Variants in TNFRSF8 observed in about 807,000 individuals in gnomAD.
The protein encoded by TNFRSF8 is TNF receptor superfamily member 8.
TNFRSF8 carries 26 observed loss-of-function variants against 70.8 expected under a neutral mutation model. The ratio of observed to expected loss-of-function variants is 0.37; its 90% CI spans 0.27 to 0.51. The LOEUF is 0.51. Ranked by LOEUF, TNFRSF8 falls within the 20% of genes least tolerant of loss-of-function variation. The probability of loss-of-function intolerance (pLI) is 0.94; values close to 1 mark genes in which losing one functional copy is unlikely to be tolerated. For missense variants in TNFRSF8, 720 were observed against 807.9 expected, an observed-to-expected ratio of 0.89 and a Z score of 1.32; for synonymous variants, 356 against 339.2, an observed-to-expected ratio of 1.05 and a Z score of -0.54.
At position 12,072,400 on chromosome 1, in the gene TNFRSF8, G is replaced by A. The variant is rs138291609; in HGVS notation, c.63+8739G>A. ...GCGTAGGGGACTGTCTGGGGCCTGC[G>A]GGAGTCCAGAGGAGCCCATCTTTAC... On this transcript the variant is annotated intron_variant, in intron 1 of 14. Coordinates refer to ENST00000263932, the MANE Select transcript of TNFRSF8 (RefSeq NM_001243.5). Among the ~76,000 whole-genome samples the A allele has an allele frequency of 2.8e-3, 432 of 152,108 alleles. 1 individual carries two copies. The highest frequency in any genetic ancestry group is 6.8e-3 in the Middle Eastern group (2 of 294).
Position 12,110,750 on chromosome 1 carries a change from C to A in TNFRSF8, c.676+546C>A, listed in dbSNP as rs1284329044. On this transcript the variant is annotated intron_variant, in intron 6 of 14. Coordinates refer to ENST00000263932, the MANE Select transcript of TNFRSF8 (RefSeq NM_001243.5). This position sits in a 1 kb window ranked among gnomAD's most constrained non-coding sequence, Gnocchi z 4.0. ...AGTAGCTGGGATTACAGGTGCCCAC[C>A]ACCACGCCTGGCTAACTTTGTATTT... Among the ~76,000 whole-genome samples, 2 of 152,100 alleles carry A rather than the reference C, an allele frequency of 1.3e-5. No individual in the cohort carries two copies. The highest frequency in any genetic ancestry group is 1.9e-4 in the East Asian group (1 of 5,170).
At chr1:12,136,279 G>T (rs1642143543) in intron 13 of TNFRSF8, among the ~76,000 whole-genome samples, 1 of 152,138 alleles carries the variant, frequency 6.6e-6, no homozygotes, top group African/African-American at 2.4e-5. Flanking sequence ...CATGAAAGAG[G>T]TATTCAACAA....
intron 11 of TNFRSF8, 62 bp downstream of exon 11, chr1:12,126,114 G>A: frequency 6.2e-7 from 1 of 1,613,002 alleles, no homozygotes; most frequent in Admixed American, 1.7e-5. Context: ...GCCTGGCCTG[G>A]GTTCTTTCCC....
chr1:12,113,610 A>G lies in TNFRSF8; in HGVS notation c.793+1596A>G, dbSNP rs1259401387. On this transcript the variant is annotated intron_variant, in intron 7 of 14. Coordinates refer to ENST00000263932, the MANE Select transcript of TNFRSF8 (RefSeq NM_001243.5). This position sits in a 1 kb window ranked among gnomAD's most constrained non-coding sequence, Gnocchi z 4.9. ...ATGAGAGGGAGAGAGAGAGTGAGAG[A>G]GAGACAGAAAGAGGGAGAGAGAGAG... is the stretch of plus-strand genomic sequence containing the variant. 1.3e-5 allele frequency among the ~76,000 whole-genome samples: 2 copies of G among 152,090 alleles called. No homozygotes were observed. Among genetic ancestry groups the G allele is most frequent in the African/African-American group, 4.8e-5 (2 of 41,396 alleles).
intron 2 of TNFRSF8, among the ~76,000 whole-genome samples, chr1:12,093,867 C>T (rs903999586): frequency 1.8e-4 from 28 of 151,718 alleles, no homozygotes; most frequent in African/African-American, 6.0e-4. Flanking sequence ...GTCAGGAGAT[C>T]GAGAGCATCT....
intron 1 of TNFRSF8, among the ~76,000 whole-genome samples, chr1:12,076,192 C>A (rs1640964273): frequency 6.6e-6 from 1 of 151,264 alleles, no homozygotes; most frequent in Non-Finnish European, 1.5e-5. Context: ...CCTCTGCCTC[C>A]CGGGTTCAAG....
rs1415508195 is a variant in TNFRSF8 at position 12,138,857 on chromosome 1, G to A, written c.1543+421G>A. Among the ~76,000 whole-genome samples the A allele has an allele frequency of 1.4e-5, 2 of 146,418 alleles. No individual in the cohort carries two copies. The highest frequency in any genetic ancestry group is 2.7e-5 in the African/African-American group (1 of 37,668). ...ATGGTGTCTTTCTCCCCATTTTACA[G>A]TTGGGGAGACCGTGGCTCAGAGGGT... On this transcript the variant is annotated intron_variant, in intron 14 of 14. Transcript: ENST00000263932. The surrounding 1 kb of genome is among the most constrained non-coding windows in gnomAD (Gnocchi z 5.7).
chr1:12,063,529 G>C lies in TNFRSF8; in HGVS notation c.-70G>C. On this transcript the variant is annotated 5_prime_UTR_variant, in exon 1 of 15. Transcript: ENST00000263932. The surrounding 1 kb of genome is among the most constrained non-coding windows in gnomAD (Gnocchi z 7.2). ...CTGAGAACCGCCGGGACCGCACGTG[G>C]GCGCCGCGCGCTTCCCCCGCTTCCC... is the stretch of plus-strand genomic sequence containing the variant. The C allele has an allele frequency of 7.9e-7, 1 of 1,273,324 alleles. No individual in the cohort carries two copies. The highest frequency in any genetic ancestry group is 4.2e-5 in the Admixed American group (1 of 24,082). The allele number at this position is 1,273,324 out of a possible 1,614,324, so 78.9% of individuals were successfully genotyped here.
intron 1 of TNFRSF8, among the ~76,000 whole-genome samples, chr1:12,068,321 A>G (rs1321181828): frequency 6.6e-6 from 1 of 152,140 alleles, no homozygotes; most frequent in Non-Finnish European, 1.5e-5. Flanking sequence ...GGTGTGGCCC[A>G]TCTGGGATCA....
At chr1:12,116,812 A>G (rs1422379276) in intron 8 of TNFRSF8, among the ~76,000 whole-genome samples, 2 of 152,054 alleles carry the variant, frequency 1.3e-5, no homozygotes, top group African/African-American at 4.8e-5. Flanking sequence ...AAAGAAAAAA[A>G]ACCAAGTGGA....
chr1:12,128,052 T>G (rs535062103), intron 12 of TNFRSF8, among the ~76,000 whole-genome samples: 1 of 152,160 alleles, frequency 6.6e-6, no homozygotes, highest in Non-Finnish European at 1.5e-5. Context: ...CGGGTGAGAA[T>G]GGACCGAGCT....
chr1:12,113,563 GAGAC>G lies in TNFRSF8; in HGVS notation c.793+1553_793+1556del, dbSNP rs1641670130. On this transcript the variant is annotated intron_variant, in intron 7 of 14. Coordinates refer to ENST00000263932, the MANE Select transcript of TNFRSF8 (RefSeq NM_001243.5). This position sits in a 1 kb window ranked among gnomAD's most constrained non-coding sequence, Gnocchi z 4.9. ...AGAAAGAGTGAGAGAGAGAAAGAGA[GAGAC>G]AGAGAGAAAGAGACAGAATGAGAGG... Among the ~76,000 whole-genome samples, 2 of 148,860 alleles carry G rather than the reference GAGAC, an allele frequency of 1.3e-5. No individual in the cohort carries two copies. The highest frequency in any genetic ancestry group is 2.5e-5 in the African/African-American group (1 of 39,972).
chr1:12,107,018 G>A (rs754578358), intron 4 of TNFRSF8, among the ~76,000 whole-genome samples: 2 of 152,258 alleles, frequency 1.3e-5, no homozygotes, highest in Admixed American at 6.5e-5. Flanking sequence ...ACACAGCGGC[G>A]CCAGAGGCCT....
At chr1:12,094,019 A>C (rs959946699) in intron 2 of TNFRSF8, among the ~76,000 whole-genome samples, 66 of 143,776 alleles carry the variant, frequency 4.6e-4, no homozygotes, top group Admixed American at 1.1e-3. Flanking sequence ...AGATCCTGCC[A>C]CTGCACTCCA....
intron 11 of TNFRSF8, 53 bp downstream of exon 11, chr1:12,126,105 C>A (rs915369642): frequency 1.2e-6 from 2 of 1,612,376 alleles, no homozygotes; most frequent in African/African-American, 2.7e-5. Context: ...TCTCTGCCAG[C>A]CTGGCCTGGG....
intron 1 of TNFRSF8, among the ~76,000 whole-genome samples, chr1:12,081,595 A>G (rs1471162576): frequency 6.6e-6 from 1 of 151,790 alleles, no homozygotes; most frequent in Non-Finnish European, 1.5e-5. Flanking sequence ...CCATGTGACT[A>G]TTGGGCAAAT....
intron 13 of TNFRSF8, among the ~76,000 whole-genome samples, chr1:12,136,039 G>A (rs1642139019): frequency 6.6e-6 from 1 of 151,802 alleles, no homozygotes; most frequent in South Asian, 2.1e-4. Flanking sequence ...CTCCAAGCTG[G>A]ATGACAGAGC....
At chr1:12,111,865 C>G in intron 6 of TNFRSF8, 33 bp from the exon 7 acceptor site, 1 of 1,597,924 alleles carries the variant, frequency 6.3e-7, no homozygotes, top group Non-Finnish European at 8.6e-7. Flanking sequence ...GCCAAGGCGG[C>G]CTGGCCTGCA....
Position 12,063,668 on chromosome 1 carries a change from G to A in TNFRSF8, c.63+7G>A. 2 of 1,270,104 alleles carry A rather than the reference G, an allele frequency of 1.6e-6. No homozygotes were observed. Among genetic ancestry groups the A allele is most frequent in the Non-Finnish European group, 2.0e-6 (2 of 998,872 alleles). 78.7% of individuals were successfully genotyped at this position (1,270,104 alleles called of 1,614,324 possible). On this transcript the variant is annotated splice_region_variant and intron_variant, in intron 1 of 14. Coordinates refer to ENST00000263932, the MANE Select transcript of TNFRSF8 (RefSeq NM_001243.5). This position sits in a 1 kb window ranked among gnomAD's most constrained non-coding sequence, Gnocchi z 7.2. ...GCTACGAGCCTTCCCACAGGTAAGC[G>A]GGTGACGGGCGCCTGGGGAGGTGCC...
Sources: gnomAD v4.1 joint callset for allele counts (sites outside exome capture counted in the v4.1 genomes callset) on GRCh38, gnomAD v4.1.1 for gene constraint, Gnocchi (gnomAD v3.1) non-coding constraint, MANE v1.5 for transcripts, NCBI Gene and HGNC (gene_info 2026-07-23, HGNC 2026-07-21) for gene names.